SUMF1: variants seen among roughly 807,000 people sequenced by gnomAD.
The protein encoded by SUMF1 is sulfatase modifying factor 1.
SUMF1 carries 48 observed loss-of-function variants against 47.6 expected under a neutral mutation model. That is an observed-to-expected ratio of 1.01 (90% CI 0.80 to 1.28). The LOEUF (loss-of-function observed/expected upper bound fraction) is 1.28. SUMF1 is among the 50% of genes most tolerant of loss of function. The pLI, the probability that SUMF1 is intolerant of heterozygous loss-of-function variation, is 0.00. For synonymous variants in SUMF1, 230 were observed against 192.1 expected (o/e 1.20, Z -1.63); for missense variants, 571 against 485.4 (o/e 1.18, Z -1.66).
Position 4,101,470 on chromosome 3 carries a change from G to A in SUMF1, c.1015-32725C>T, listed in dbSNP as rs193183307. On this transcript the variant is annotated intron_variant and NMD_transcript_variant, in intron 8 of 12. Coordinates refer to the SUMF1 transcript ENST00000448413. ...AATTTATAGAAGTAGAGAGTAGAAT[G>A]GTGGTTACCAGATCTGGGGGTGGAG... Among the ~76,000 whole-genome samples the A allele has an allele frequency of 1.2e-3, 181 of 152,162 alleles. 2 individuals carry two copies. Among genetic ancestry groups the A allele is most frequent in the African/African-American group, 4.0e-3 (167 of 41,480 alleles).
intron 8 of SUMF1, among the ~76,000 whole-genome samples, chr3:4,161,392 G>A (rs1163837675): frequency 6.6e-6 from 1 of 152,152 alleles, no homozygotes; most frequent in African/African-American, 2.4e-5. Flanking sequence ...TCAGGTCAGT[G>A]AGTTCTCCCA....
chr3:4,166,216 G>A (rs1404253405), intron 8 of SUMF1, among the ~76,000 whole-genome samples: 1 of 152,082 alleles, frequency 6.6e-6, no homozygotes, highest in Non-Finnish European at 1.5e-5. Flanking sequence ...ATTTTCCCCT[G>A]TTAGTACTGG....
chr3:4,270,428 A>T (rs781331438), intron 8 of SUMF1, among the ~76,000 whole-genome samples: 20 of 151,590 alleles, frequency 1.3e-4, no homozygotes, highest in Non-Finnish European at 1.9e-4. Context: ...TCTCTCTCTC[A>T]CACACATACA....
chr3:4,279,602 C>G (rs1697487886), intron 8 of SUMF1, among the ~76,000 whole-genome samples: 1 of 151,852 alleles, frequency 6.6e-6, no homozygotes, highest in Non-Finnish European at 1.5e-5. Context: ...GCTGGGAATG[C>G]ATTCTCTGTG....
At chr3:4,276,625 C>T (rs1404930471) in intron 8 of SUMF1, among the ~76,000 whole-genome samples, 1 of 152,108 alleles carries the variant, frequency 6.6e-6, no homozygotes, top group Non-Finnish European at 1.5e-5. Flanking sequence ...TTTATTATTG[C>T]AAGATATAAT....
At chr3:4,250,578 T>C (rs1172971545) in intron 8 of SUMF1, among the ~76,000 whole-genome samples, 1 of 152,080 alleles carries the variant, frequency 6.6e-6, no homozygotes, top group South Asian at 2.1e-4. Flanking sequence ...AGTATTTTCA[T>C]AGCTAGAGAG....
At chr3:4,336,111 C>T (rs1699148333) in intron 8 of SUMF1, among the ~76,000 whole-genome samples, 1 of 152,026 alleles carries the variant, frequency 6.6e-6, no homozygotes, top group Non-Finnish European at 1.5e-5. Context: ...AGGTCTCAAA[C>T]GATTCAAGGT....
intron 8 of SUMF1, among the ~76,000 whole-genome samples, chr3:4,099,496 C>A (rs1446569102): frequency 1.3e-5 from 2 of 152,048 alleles, no homozygotes; most frequent in Non-Finnish European, 2.9e-5. Flanking sequence ...AAGCCTACAG[C>A]TAACATTATA....
At chr3:4,066,026 G>T (rs1241912237) in intron 9 of SUMF1, among the ~76,000 whole-genome samples, 2 of 152,022 alleles carry the variant, frequency 1.3e-5, no homozygotes, top group East Asian at 3.9e-4. Flanking sequence ...TGGAACCAGA[G>T]CACAAGGGAT....
intron 8 of SUMF1, among the ~76,000 whole-genome samples, chr3:4,221,645 A>G (rs923421565): frequency 1.3e-5 from 2 of 152,158 alleles, no homozygotes; most frequent in Admixed American, 1.3e-4. Context: ...TTACTAAATG[A>G]ATGCCAATTA....
At chr3:4,204,017 A>G (rs994055340) in intron 8 of SUMF1, among the ~76,000 whole-genome samples, 1 of 152,054 alleles carries the variant, frequency 6.6e-6, no homozygotes, top group Non-Finnish European at 1.5e-5. Flanking sequence ...TAGTTTATAT[A>G]CCACAATTAC....
intron 8 of SUMF1, among the ~76,000 whole-genome samples, chr3:4,236,324 T>C (rs111871324): frequency 0.02 from 3,019 of 151,988 alleles, 93 homozygotes; most frequent in African/African-American, 0.069. Context: ...TTCCCAAAGC[T>C]AAGAAATCAA....
chr3:4,208,660 C>G (rs866986061), intron 8 of SUMF1, among the ~76,000 whole-genome samples: 2 of 151,716 alleles, frequency 1.3e-5, no homozygotes. Context: ...TGCCAGACAT[C>G]AAAAACACTG....
chr3:4,205,707 G>A (rs1695636875), intron 8 of SUMF1, among the ~76,000 whole-genome samples: 1 of 152,136 alleles, frequency 6.6e-6, no homozygotes, highest in African/African-American at 2.4e-5. Context: ...TGGTGGTCTT[G>A]GGCAAGATCT....
intron 3 of SUMF1, among the ~76,000 whole-genome samples, chr3:4,443,161 C>T (rs12632875): frequency 0.049 from 7,390 of 152,054 alleles, 544 homozygotes; most frequent in East Asian, 0.27. Flanking sequence ...CCCTGTAATC[C>T]CAGCTACTCA....
intron 8 of SUMF1, among the ~76,000 whole-genome samples, chr3:4,140,209 T>C (rs1185630268): frequency 1.3e-5 from 2 of 152,070 alleles, no homozygotes; most frequent in Non-Finnish European, 2.9e-5. Flanking sequence ...GGCTTTCCCC[T>C]TCTGAGATAA....
chr3:4,427,484 T>C (rs1702104515), intron 3 of SUMF1, among the ~76,000 whole-genome samples: 2 of 152,304 alleles, frequency 1.3e-5, no homozygotes, highest in Admixed American at 6.5e-5. Context: ...TATGGAAAGC[T>C]AAGAATGAGG....
chr3:4,206,204 C>A (rs1466714694), intron 8 of SUMF1, among the ~76,000 whole-genome samples: 1 of 151,600 alleles, frequency 6.6e-6, no homozygotes, highest in African/African-American at 2.4e-5. Flanking sequence ...CCAGGAGCTG[C>A]AAGCTGTGTT....
At chr3:4,100,953 A>T (rs1187363152) in intron 8 of SUMF1, among the ~76,000 whole-genome samples, 1 of 152,110 alleles carries the variant, frequency 6.6e-6, no homozygotes, top group Non-Finnish European at 1.5e-5. Flanking sequence ...CCACAGTGAC[A>T]TAGCAACTCA....
Sources: gnomAD v4.1 joint callset for allele counts (sites outside exome capture counted in the v4.1 genomes callset) on GRCh38, gnomAD v4.1.1 for gene constraint, MANE v1.5 for transcripts, NCBI Gene and HGNC (gene_info 2026-07-23, HGNC 2026-07-21) for gene names.